The following DNAI4 variants were observed in gnomAD, a reference collection of about 807,000 sequenced individuals.
DNAI4 encodes the protein WD repeat domain 78.
Under a neutral mutation model 105.8 loss-of-function variants are expected in DNAI4, and 85 were observed. The ratio of observed to expected loss-of-function variants is 0.80; its 90% CI spans 0.67 to 0.96. The LOEUF is 0.96. Ranked by LOEUF, DNAI4 falls within the 40% of genes least tolerant of loss-of-function variation. The pLI, the probability that DNAI4 is intolerant of heterozygous loss-of-function variation, is 0.00. For synonymous variants in DNAI4, 352 were observed against 331.5 expected (o/e 1.06, Z -0.67); for missense variants, 1,014 against 1,005.6 (o/e 1.01, Z -0.11).
At chr1:66,827,744 T>G in intron 14 of DNAI4, 68 bp downstream of exon 14, 1 of 796,980 alleles carries the variant, frequency 1.3e-6, no homozygotes, top group Non-Finnish European at 1.9e-6. Context: ...TTACATATTC[T>G]GTATATAATG....
At chr1:66,874,981 T>C in intron 4 of DNAI4, 44 bp from the exon 5 acceptor site, 1 of 1,534,342 alleles carries the variant, frequency 6.5e-7, no homozygotes, top group Non-Finnish European at 8.8e-7. Context: ...AATTGCTATT[T>C]TTAATTTGCA....
intron 3 of DNAI4, 108 bp downstream of exon 3, chr1:66,893,121 G>GAAAGAA (rs1352348435): frequency 2.5e-5 from 13 of 527,676 alleles, no homozygotes; most frequent in Admixed American, 6.9e-5. Flanking sequence ...AAGAAAGAAA[G>GAAAGAA]AAACTGGGAG....
intron 16 of DNAI4, among the ~76,000 whole-genome samples, chr1:66,817,481 G>A (rs1040938781): frequency 1.3e-5 from 2 of 151,950 alleles, no homozygotes; most frequent in Non-Finnish European, 1.5e-5. Flanking sequence ...GCTGAGGTGG[G>A]ACAATTGCTT....
intron 4 of DNAI4, among the ~76,000 whole-genome samples, chr1:66,881,427 CCACCTCTTGCAT>C (rs142297213): frequency 0.14 from 20,951 of 152,202 alleles, 1,575 homozygotes; most frequent in Middle Eastern, 0.21. Context: ...CCATGGGAAC[CCACCTCTTGCAT>C]CAGTGTGACC....
At chr1:66,905,140 A>G in intron 2 of DNAI4, 61 bp downstream of exon 2, 1 of 1,256,546 alleles carries the variant, frequency 8.0e-7, no homozygotes, top group Non-Finnish European at 1.1e-6. Context: ...TATCTTTAAC[A>G]TTTCAATTGA....
chr1:66,907,833 G>A (rs1649373697), intron 1 of DNAI4, among the ~76,000 whole-genome samples: 1 of 152,036 alleles, frequency 6.6e-6, no homozygotes, highest in African/African-American at 2.4e-5. Flanking sequence ...TGTGGCTTTT[G>A]TTTTTAGAAG....
In DNAI4 at chr1:66,812,926, T is replaced by C. The variant is rs1190339240; in HGVS notation, c.*1204A>G. On this transcript the variant is annotated 3_prime_UTR_variant, in exon 17 of 17. Transcript: ENST00000371026. ...AAGTTTTTTATTTTCTTACACAAGG[T>C]GTTATAGAAAATCCAATCTTTCAGA... 1 of 152,300 alleles carries C rather than the reference T, an allele frequency of 6.6e-6. No individual in the cohort carries two copies. The highest frequency in any genetic ancestry group is 2.4e-5 in the African/African-American group (1 of 41,434). 9.4% of individuals were successfully genotyped at this position (152,300 alleles called of 1,614,324 possible). A position where few individuals can be genotyped will look rare whatever the true frequency, so the allele number is the denominator to read the frequency against.
chr1:66,854,283 T>C (rs2100563651), intron 7 of DNAI4, among the ~76,000 whole-genome samples: 1 of 152,118 alleles, frequency 6.6e-6, no homozygotes, highest in Non-Finnish European at 1.5e-5. Context: ...CCCAGCTACT[T>C]GGGAGGCTGA....
In DNAI4 at chr1:66,877,954, T is replaced by C. The variant is rs560387158; in HGVS notation, c.644-3017A>G. ...TGCTAACATCATAACTTATCATTGA[T>C]GGTGTTAATCTTGGCCACCTGTCAA... On this transcript the variant is annotated intron_variant, in intron 4 of 16. Transcript: ENST00000371026. 2.0e-5 allele frequency among the ~76,000 whole-genome samples: 3 copies of C among 152,316 alleles called. No homozygotes were observed. In the South Asian group the frequency reaches 6.2e-4, roughly 32 times the overall value.
At position 66,826,825 on chromosome 1, in the gene DNAI4, G is replaced by T; in HGVS notation, c.2334C>A (p.Ile778=). The change falls in exon 15 of 17, where the codon ATC becomes ATA. Residue 778 remains isoleucine (I), a synonymous_variant. Coordinates refer to ENST00000371026, the MANE Select transcript of DNAI4 (RefSeq NM_024763.5). The part of the protein sequence containing the change: ...ENRVEIWDLH[I]STLDPLIVNT... ...CAAGAAAAATAGTAACTTACGTGCT[G>T]ATATGAAGGTCCCAAATCTCCACCC... is the stretch of plus-strand genomic sequence containing the variant. The T allele has an allele frequency of 6.2e-7, 1 of 1,613,766 alleles. No homozygotes were observed. The highest frequency in any genetic ancestry group is 8.5e-7 in the Non-Finnish European group (1 of 1,179,906).
chr1:66,822,629 C>CTT (rs1645655441), intron 15 of DNAI4, 112 bp from the exon 16 acceptor site: 1 of 981,112 alleles, frequency 1.0e-6, no homozygotes, highest in Non-Finnish European at 1.4e-6. Context: ...AACCATAAGC[C>CTT]TATTTAAGTG....
At chr1:66,875,311 C>T (rs979031102) in intron 4 of DNAI4, among the ~76,000 whole-genome samples, 5 of 152,230 alleles carry the variant, frequency 3.3e-5, no homozygotes, top group South Asian at 2.1e-4. Flanking sequence ...TTCTTTGAGC[C>T]GTGAAGTTAA....
chr1:66,843,521 A>C (rs1646199626), intron 8 of DNAI4, among the ~76,000 whole-genome samples: 1 of 152,156 alleles, frequency 6.6e-6, no homozygotes, highest in African/African-American at 2.4e-5. Flanking sequence ...TGCAGAGCAG[A>C]AGTTTTTAAT....
intron 6 of DNAI4, among the ~76,000 whole-genome samples, chr1:66,870,279 T>C (rs964554839): frequency 6.7e-6 from 1 of 150,152 alleles, no homozygotes; most frequent in Non-Finnish European, 1.5e-5. Context: ...CCATCTCTAC[T>C]AAAAATACAA....
chr1:66,894,224 T>C lies in DNAI4; in HGVS notation c.346-811A>G, dbSNP rs3008883. 8.0e-3 allele frequency among the ~76,000 whole-genome samples: 1,214 copies of C among 152,284 alleles called. 15 individuals carry two copies. The highest frequency in any genetic ancestry group is 0.028 in the African/African-American group (1,167 of 41,576). Reference sequence around the variant, plus strand: ...TAAGAGATGATAGCTCCATGCATATTACTGCCCCCAAAAAACCTTCCAGTG... The same window carrying C: ...TAAGAGATGATAGCTCCATGCATATCACTGCCCCCAAAAAACCTTCCAGTG... On this transcript the variant is annotated intron_variant, in intron 2 of 16. Transcript: ENST00000371026.
At chr1:66,816,243 A>G (rs938998226) in intron 16 of DNAI4, among the ~76,000 whole-genome samples, 2 of 152,154 alleles carry the variant, frequency 1.3e-5, no homozygotes, top group Non-Finnish European at 2.9e-5. Context: ...GGCACTGATA[A>G]AAGATAGTTT....
At chr1:66,897,423 T>G (rs1033256703) in intron 2 of DNAI4, among the ~76,000 whole-genome samples, 9 of 152,170 alleles carry the variant, frequency 5.9e-5, no homozygotes, top group African/African-American at 1.9e-4. Context: ...ATGTAAAGAA[T>G]GAACCAAGGG....
chr1:66,872,883 T>G (rs553884716), intron 5 of DNAI4, among the ~76,000 whole-genome samples: 14 of 151,932 alleles, frequency 9.2e-5, no homozygotes, highest in African/African-American at 3.4e-4. Flanking sequence ...CAGCTGATTT[T>G]TGTATTTTTA....
At chr1:66,830,789 ATAAATAAATAAAT>A (rs1557902008) in intron 13 of DNAI4, among the ~76,000 whole-genome samples, 39 of 149,344 alleles carry the variant, frequency 2.6e-4, no homozygotes, top group African/African-American at 9.3e-4. Flanking sequence ...TCAAAAAAAA[ATAAATAAATAAAT>A]AAAATAAAAT....
Sources: allele counts gnomAD v4.1 joint callset (sites outside exome capture counted in the v4.1 genomes callset), GRCh38; gene constraint gnomAD v4.1.1; transcripts MANE v1.5; gene names NCBI Gene and HGNC (gene_info 2026-07-23, HGNC 2026-07-21).